GKAP1: variants seen among roughly 807,000 people sequenced by gnomAD.
The protein encoded by GKAP1 is G kinase-anchoring protein 1.
GKAP1 carries 31 observed loss-of-function variants against 56.7 expected under a neutral mutation model. That is an observed-to-expected ratio of 0.55 (90% CI 0.41 to 0.74). GKAP1 has a LOEUF of 0.74. Among genes scored for constraint, GKAP1 ranks in the 30% least tolerant of loss-of-function variants. The pLI is 0.00. For missense variants in GKAP1, 364 were observed against 402.3 expected, an observed-to-expected ratio of 0.90 and a Z score of 0.82; for synonymous variants, 151 against 138.6, an observed-to-expected ratio of 1.09 and a Z score of -0.63.
At chr9:83,784,967 T>C (rs1944040091) in intron 5 of GKAP1, 129 bp from the exon 6 acceptor site, 1 of 600,404 alleles carries the variant, frequency 1.7e-6, no homozygotes, top group Non-Finnish European at 2.7e-6. Context: ...AAATTTAGGC[T>C]AGCCAAATTG....
chr9:83,749,839 A>G (rs913621058), intron 9 of GKAP1, among the ~76,000 whole-genome samples: 2 of 152,200 alleles, frequency 1.3e-5, no homozygotes, highest in Non-Finnish European at 2.9e-5. Context: ...AAAGCACCAT[A>G]CTGAATATAA....
At chr9:83,756,147 G>C (rs1220843887) in intron 8 of GKAP1, among the ~76,000 whole-genome samples, 2 of 151,804 alleles carry the variant, frequency 1.3e-5, no homozygotes, top group Non-Finnish European at 2.9e-5. Flanking sequence ...AGTGTGATTA[G>C]AGGCAATTTA....
intron 2 of GKAP1, among the ~76,000 whole-genome samples, chr9:83,812,597 C>T (rs1412416815): frequency 6.6e-6 from 1 of 151,036 alleles, no homozygotes; most frequent in Non-Finnish European, 1.5e-5. Context: ...ACCTCAGCCT[C>T]CCAAAGTGCT....
At chr9:83,755,029 G>A (rs1216983066) in intron 8 of GKAP1, among the ~76,000 whole-genome samples, 2 of 152,182 alleles carry the variant, frequency 1.3e-5, no homozygotes, top group African/African-American at 4.8e-5. Context: ...AAGGTTTAAA[G>A]AATGTGGCAG....
intron 10 of GKAP1, among the ~76,000 whole-genome samples, chr9:83,746,061 G>A (rs1036762114): frequency 1.3e-5 from 2 of 152,032 alleles, no homozygotes; most frequent in Non-Finnish European, 2.9e-5. Context: ...AAAGTGCTGG[G>A]ATTATAGGCA....
At chr9:83,804,572 TG>T (rs1349380224) in intron 3 of GKAP1, among the ~76,000 whole-genome samples, 3 of 60,588 alleles carry the variant, frequency 5.0e-5, no homozygotes, top group Non-Finnish European at 9.3e-5. Flanking sequence ...GGGAGGGAGG[TG>T]GGGGGGTCAG....
At chr9:83,800,977 G>A (rs1319059034) in intron 3 of GKAP1, among the ~76,000 whole-genome samples, 1 of 152,192 alleles carries the variant, frequency 6.6e-6, no homozygotes, top group Non-Finnish European at 1.5e-5. Flanking sequence ...TTTGTCTTAA[G>A]TTTTTAACAA....
rs539142182 is a variant in GKAP1 at position 83,788,261 on chromosome 9, G to A, written c.438+340C>T. On this transcript the variant is annotated intron_variant, in intron 5 of 12. Coordinates refer to ENST00000376371, the MANE Select transcript of GKAP1 (RefSeq NM_025211.4). Reference sequence around the variant, plus strand: ...CCACTGCACTCCAGCCTGGGCAAGAGAGTGAGACTCGGTCCCAAGAAAAAA... The same window carrying A: ...CCACTGCACTCCAGCCTGGGCAAGAAAGTGAGACTCGGTCCCAAGAAAAAA... Among the ~76,000 whole-genome samples, 4 of 152,294 alleles carry A rather than the reference G, an allele frequency of 2.6e-5. No individual in the cohort carries two copies. The East Asian group carries it at 7.7e-4, about 29-fold the overall frequency.
intron 3 of GKAP1, among the ~76,000 whole-genome samples, chr9:83,800,349 T>G (rs112685130): frequency 2.0e-5 from 3 of 150,790 alleles, no homozygotes; most frequent in African/African-American, 7.3e-5. Context: ...TTTGTTTTTT[T>G]TTTTTTTGGC....
At chr9:83,806,258 T>C (rs1944438202) in intron 3 of GKAP1, 44 bp downstream of exon 3, 1 of 1,268,618 alleles carries the variant, frequency 7.9e-7, no homozygotes, top group East Asian at 2.5e-5. Context: ...CTCAGGATGA[T>C]TACCATCTAC....
In GKAP1 at chr9:83,774,701, CCT is replaced by C. The variant is rs1491444782; in HGVS notation, c.585+5679_585+5680del. ...AGAAACTATCAATAAACAGAAACCCCCTTTTTTTTTTTTTTTTTTTTTTTTTT... is the reference window on the plus strand; with the variant it reads ...AGAAACTATCAATAAACAGAAACCCCTTTTTTTTTTTTTTTTTTTTTTTTT... On this transcript the variant is annotated intron_variant, in intron 7 of 12. Transcript: ENST00000376371. Among the ~76,000 whole-genome samples the C allele has an allele frequency of 3.6e-3, 359 of 100,956 alleles. 73 individuals are homozygous for C. In the East Asian group the frequency reaches 0.038, roughly 11 times the overall value. The allele number at this position is 100,956 out of a possible 152,430, so 66.2% of individuals were successfully genotyped here.
At chr9:83,792,804 A>G (rs1944183641) in intron 4 of GKAP1, 1 of 186,892 alleles carries the variant, frequency 5.4e-6, no homozygotes, top group African/African-American at 2.4e-5. Flanking sequence ...TGCAAATAAA[A>G]GCATACTTTT....
chr9:83,803,353 C>T (rs1944365750), intron 3 of GKAP1, among the ~76,000 whole-genome samples: 1 of 152,042 alleles, frequency 6.6e-6, no homozygotes, highest in Admixed American at 6.5e-5. Context: ...AACCTCCCTG[C>T]CTGATTCTCC....
At chr9:83,772,014 A>T (rs1564198047) in intron 7 of GKAP1, among the ~76,000 whole-genome samples, 1 of 152,010 alleles carries the variant, frequency 6.6e-6, no homozygotes, top group East Asian at 1.9e-4. Context: ...TAGAGATGGG[A>T]TTTTTTTCAA....
Position 83,806,481 on chromosome 9 carries a change from C to G in GKAP1, c.37G>C (p.Ala13Pro). The change falls in exon 3 of 13, where the codon GCT becomes CCT. Residue 13 changes from alanine to proline, a missense_variant. Transcript: ENST00000376371. ...SAVLSSVPTT[A>P]SRFALLQVDS... ...ACTTGTAACAGGGCAAAACGAGAAGCGGTGGTGGGAACAGAACTAAGTACT... is the reference window on the plus strand; with the variant it reads ...ACTTGTAACAGGGCAAAACGAGAAGGGGTGGTGGGAACAGAACTAAGTACT... The G allele has an allele frequency of 6.2e-7, 1 of 1,614,006 alleles. No homozygotes were observed. Among genetic ancestry groups the G allele is most frequent in the Non-Finnish European group, 8.5e-7 (1 of 1,179,958 alleles).
At chr9:83,751,534 CA>C (rs533454393) in intron 9 of GKAP1, among the ~76,000 whole-genome samples, 1 of 151,608 alleles carries the variant, frequency 6.6e-6, no homozygotes, top group African/African-American at 2.4e-5. Flanking sequence ...TGGGTGCAGT[CA>C]AAAAAAGTTT....
At chr9:83,747,517 TTCAG>T (rs1943314562) in intron 10 of GKAP1, among the ~76,000 whole-genome samples, 1 of 152,138 alleles carries the variant, frequency 6.6e-6, no homozygotes, top group Non-Finnish European at 1.5e-5. Flanking sequence ...CTAAATATAG[TTCAG>T]TAAGTTATAA....
At chr9:83,785,021 C>T (rs763658679) in intron 5 of GKAP1, among the ~76,000 whole-genome samples, 183 bp from the exon 6 acceptor site, 5 of 152,104 alleles carry the variant, frequency 3.3e-5, no homozygotes, top group Non-Finnish European at 7.4e-5. Flanking sequence ...TCCCTTACAT[C>T]TTAAACATTA....
chr9:83,742,730 C>G (rs1403556955), intron 10 of GKAP1, 130 bp from the exon 11 acceptor site: 2 of 537,422 alleles, frequency 3.7e-6, no homozygotes, highest in Non-Finnish European at 6.7e-6. Context: ...GAATCTACTT[C>G]TTGACCTTGC....
Sources: allele counts gnomAD v4.1 joint callset (sites outside exome capture counted in the v4.1 genomes callset), GRCh38; gene constraint gnomAD v4.1.1; transcripts MANE v1.5; gene names NCBI Gene and HGNC (gene_info 2026-07-23, HGNC 2026-07-21).